The following ANKRD30B variants were observed in gnomAD, a reference collection of about 807,000 sequenced individuals.
ANKRD30B encodes ankyrin repeat domain 30B.
A neutral mutation model predicts 202.2 loss-of-function variants in ANKRD30B; 144 were observed. The observed-to-expected ratio is 0.71, with a 90% CI of 0.62 to 0.82. The LOEUF (loss-of-function observed/expected upper bound fraction) is 0.82. ANKRD30B is among the 40% of genes least tolerant of loss of function. ANKRD30B has a pLI of 0.00. For synonymous variants in ANKRD30B, 508 were observed against 561.3 expected, an observed-to-expected ratio of 0.91 and a Z score of 1.34; for missense variants, 1,487 against 1,669.1, an observed-to-expected ratio of 0.89 and a Z score of 1.90.
the ANKRD30B span, among the ~76,000 whole-genome samples, chr18:14,896,447 T>G: frequency 0.026 from 3,960 of 151,924 alleles, 188 homozygotes; most frequent in African/African-American, 0.091. Context: ...CTCAATTATT[T>G]TTTTAAATCT....
intron 7 of ANKRD30B, among the ~76,000 whole-genome samples, chr18:14,766,286 C>T (rs935933595): frequency 1.3e-5 from 2 of 151,448 alleles, no homozygotes; most frequent in African/African-American, 2.4e-5. Context: ...TCCTGGCTAA[C>T]ACGGGTGAAA....
chr18:14,879,202 A>G, the ANKRD30B span, among the ~76,000 whole-genome samples: 1 of 152,144 alleles, frequency 6.6e-6, no homozygotes, highest in African/African-American at 2.4e-5. Flanking sequence ...CTGAATAATC[A>G]GGGTCAGAGA....
At chr18:14,831,202 G>GAAAAAAAAAAAAAAAAAAAAAAAAAAAA (rs1434127361) in intron 33 of ANKRD30B, among the ~76,000 whole-genome samples, 181 bp from the exon 34 acceptor site, 2 of 76,924 alleles carry the variant, frequency 2.6e-5, no homozygotes, top group African/African-American at 1.1e-4. Flanking sequence ...AAAAAAAAAC[G>GAAAAAAAAAAAAAAAAAAAAAAAAAAAA]AAAACCAGAT....
At chr18:14,837,823 G>C in intron 36 of ANKRD30B, 147 bp downstream of exon 36, 1 of 967,844 alleles carries the variant, frequency 1.0e-6, no homozygotes, top group South Asian at 1.9e-5. Context: ...AGACCATCCT[G>C]GCTAACATGG....
At chr18:14,847,049 T>TA in intron 39 of ANKRD30B, among the ~76,000 whole-genome samples, 5 of 112,658 alleles carry the variant, frequency 4.4e-5, no homozygotes, top group South Asian at 3.0e-4. Context: ...ATGATTTAGT[T>TA]TTATATATAT....
At chr18:14,885,474 G>T in the ANKRD30B span, among the ~76,000 whole-genome samples, 2 of 152,024 alleles carry the variant, frequency 1.3e-5, no homozygotes. Context: ...TAAGAGAAAA[G>T]AAATGTGCTG....
At chr18:14,921,775 C>G in the ANKRD30B span, among the ~76,000 whole-genome samples, 2 of 152,050 alleles carry the variant, frequency 1.3e-5, no homozygotes, top group African/African-American at 2.4e-5. Context: ...TAGAATGTGA[C>G]CAGAGCTGCC....
the ANKRD30B span, among the ~76,000 whole-genome samples, chr18:14,927,137 T>C: frequency 6.6e-6 from 1 of 152,150 alleles, no homozygotes; most frequent in Non-Finnish European, 1.5e-5. Flanking sequence ...TTTATGTGCA[T>C]AGGCAGAGGA....
chr18:14,797,619 A>C, intron 18 of ANKRD30B, 42 bp from the exon 19 acceptor site: 2 of 1,575,176 alleles, frequency 1.3e-6, no homozygotes, highest in Non-Finnish European at 1.7e-6. Context: ...AGGCTTTGTC[A>C]GGCTTGCATA....
the ANKRD30B span, among the ~76,000 whole-genome samples, chr18:14,917,186 C>T: frequency 3.3e-5 from 5 of 152,310 alleles, no homozygotes; most frequent in South Asian, 2.1e-4. Context: ...TGTCATTCTC[C>T]GTCTTCTGTG....
downstream of ANKRD30B, among the ~76,000 whole-genome samples, chr18:14,858,766 A>C (rs1466379690): frequency 2.0e-5 from 2 of 101,232 alleles, no homozygotes; most frequent in African/African-American, 7.5e-5. Flanking sequence ...CAGGGGGGGC[A>C]GCCAGGCAGA....
the ANKRD30B span, among the ~76,000 whole-genome samples, chr18:14,914,888 G>T: frequency 9.9e-5 from 15 of 152,138 alleles, no homozygotes; most frequent in African/African-American, 3.4e-4. Context: ...AGGTCTGGAC[G>T]AGAGACAACA....
intron 4 of ANKRD30B, 58 bp downstream of exon 4, chr18:14,755,063 T>C: frequency 1.1e-6 from 1 of 944,962 alleles, no homozygotes; most frequent in Non-Finnish European, 1.5e-6. Flanking sequence ...AGAGTAATAA[T>C]GCTCAAGTCA....
intron 9 of ANKRD30B, among the ~76,000 whole-genome samples, chr18:14,773,623 G>C (rs1396496548): frequency 1.3e-5 from 2 of 151,544 alleles, no homozygotes; most frequent in Non-Finnish European, 2.9e-5. Flanking sequence ...CCTCCAAGTG[G>C]AGTTTAGATT....
intron 5 of ANKRD30B, among the ~76,000 whole-genome samples, chr18:14,759,629 A>T (rs552608038): frequency 1.3e-5 from 2 of 152,338 alleles, no homozygotes; most frequent in South Asian, 4.1e-4. Flanking sequence ...AAGGAGGTAG[A>T]TAAACAGTAG....
At chr18:14,847,703 C>T (rs895776633) in intron 39 of ANKRD30B, among the ~76,000 whole-genome samples, 5 of 151,174 alleles carry the variant, frequency 3.3e-5, no homozygotes, top group Non-Finnish European at 5.9e-5. Flanking sequence ...TTCATTTTTG[C>T]TTTTTATGAG....
chr18:14,755,307 T>C (rs1914156951), intron 4 of ANKRD30B, among the ~76,000 whole-genome samples: 1 of 152,150 alleles, frequency 6.6e-6, no homozygotes, highest in South Asian at 2.1e-4. Context: ...AAGTATGAAC[T>C]TTTTTAGTTT....
the ANKRD30B span, among the ~76,000 whole-genome samples, chr18:14,893,550 G>T: frequency 6.6e-6 from 1 of 152,010 alleles, no homozygotes; most frequent in East Asian, 1.9e-4. Flanking sequence ...TGCGGAGGTT[G>T]CAGTGAGCCG....
intron 15 of ANKRD30B, among the ~76,000 whole-genome samples, chr18:14,789,041 T>A (rs1373615878): frequency 6.6e-6 from 1 of 151,578 alleles, no homozygotes. Context: ...TTTCTCCACA[T>A]CCTCTCCAGC....
Sources: allele counts gnomAD v4.1 joint callset (sites outside exome capture counted in the v4.1 genomes callset), GRCh38; gene constraint gnomAD v4.1.1; transcripts MANE v1.5; gene names NCBI Gene and HGNC (gene_info 2026-07-23, HGNC 2026-07-21).